Variants in RIMBP2 observed in about 807,000 individuals in gnomAD.
RIMBP2 encodes the protein RIMS binding protein 2.
In RIMBP2, 48 loss-of-function variants were observed where a neutral mutation model predicts 118.6. That is an observed-to-expected ratio of 0.40 (90% confidence interval 0.32 to 0.51). The LOEUF is 0.51. RIMBP2 is among the 20% of genes least tolerant of loss of function. The pLI is 0.41. For missense variants in RIMBP2, 1,551 were observed against 1,768.3 expected, an observed-to-expected ratio of 0.88 and a Z score of 2.20; for synonymous variants, 762 against 742.9, an observed-to-expected ratio of 1.03 and a Z score of -0.42.
At chr12:130,692,452 T>A (rs1289953832) in intron 1 of RIMBP2, among the ~76,000 whole-genome samples, 1 of 152,096 alleles carries the variant, frequency 6.6e-6, no homozygotes, top group Non-Finnish European at 1.5e-5. Context: ...GTTATTAAAT[T>A]TTAATTAAAA....
At chr12:130,487,352 TG>T (rs888505698) in intron 4 of RIMBP2, among the ~76,000 whole-genome samples, 1 of 152,192 alleles carries the variant, frequency 6.6e-6, no homozygotes, top group African/African-American at 2.4e-5. Flanking sequence ...AATAGCTTGG[TG>T]CCCTCCCCAT....
At chr12:130,505,494 C>T (rs1465060240) in intron 4 of RIMBP2, among the ~76,000 whole-genome samples, 1 of 117,236 alleles carries the variant, frequency 8.5e-6, no homozygotes, top group Non-Finnish European at 1.8e-5. Flanking sequence ...CCCTCCACTC[C>T]CCCCACCACC....
chr12:130,676,859 G>C (rs918907984), intron 1 of RIMBP2, among the ~76,000 whole-genome samples: 1 of 152,148 alleles, frequency 6.6e-6, no homozygotes, highest in South Asian at 2.1e-4. Context: ...GCTGGGGTCA[G>C]GGTGAGGGGA....
intron 2 of RIMBP2, among the ~76,000 whole-genome samples, chr12:130,627,030 C>A (rs2061683779): frequency 6.6e-6 from 1 of 152,028 alleles, no homozygotes; most frequent in African/African-American, 2.4e-5. Flanking sequence ...TCTCCTCCAT[C>A]ACAACTACCA....
intron 1 of RIMBP2, among the ~76,000 whole-genome samples, chr12:130,656,563 G>C (rs1175363617): frequency 7.6e-6 from 1 of 132,028 alleles, no homozygotes; most frequent in East Asian, 2.4e-4. Context: ...TTCTGAGGCT[G>C]TCAGGAGAAT....
chr12:130,474,616 ACT>A (rs1399286567), intron 5 of RIMBP2, among the ~76,000 whole-genome samples: 4 of 152,108 alleles, frequency 2.6e-5, no homozygotes, highest in Non-Finnish European at 5.9e-5. Flanking sequence ...TCTGAGGGAG[ACT>A]CAGTGAGAGA....
intron 2 of RIMBP2, among the ~76,000 whole-genome samples, chr12:130,528,707 A>G (rs1019618659): frequency 6.6e-6 from 1 of 152,218 alleles, no homozygotes; most frequent in Admixed American, 6.5e-5. Flanking sequence ...TTAAATTTAT[A>G]TTTGCTTCAT....
rs943654000 is a variant in RIMBP2 at position 130,442,488 on chromosome 12, G to C, written c.864C>G (p.Thr288=). ...TGTCGGTGATGCCCGCATCTATGTG[G>C]GTTGGGGAGTGGAGGTCCAGGATGT... ...GEHILDLHSP[T]HIDAGITDNS... Residue 288 remains threonine (T), a synonymous_variant, in exon 11 of 23, where the codon ACC becomes ACG. Transcript: ENST00000690449. This position sits in a 1 kb window ranked among gnomAD's most constrained non-coding sequence, Gnocchi z 6.9. 5 of 1,614,072 alleles carry C rather than the reference G, an allele frequency of 3.1e-6. No individual in the cohort carries two copies. Among genetic ancestry groups the C allele is most frequent in the Admixed American group, 3.3e-5 (2 of 60,000 alleles).
intron 4 of RIMBP2, among the ~76,000 whole-genome samples, chr12:130,492,626 G>C (rs2048748349): frequency 1.3e-5 from 2 of 152,198 alleles, no homozygotes; most frequent in South Asian, 4.1e-4. Context: ...GTGGCTCCCG[G>C]CTGTGAGCCC....
chr12:130,478,866 G>A lies in RIMBP2; in HGVS notation c.102+46C>T, dbSNP rs371511081. On this transcript the variant is annotated intron_variant, in intron 5 of 22. Transcript: ENST00000690449. ...CACACCAGGGATCCCCGGCCCACCCGTGGACTCCCTGCCTCGCACGCCGCG... is the reference window on the plus strand; with the variant it reads ...CACACCAGGGATCCCCGGCCCACCCATGGACTCCCTGCCTCGCACGCCGCG... 5.1e-5 allele frequency: 74 copies of A among 1,449,614 alleles called. 1 individual carries two copies. In the East Asian group the frequency reaches 1.3e-3, roughly 25 times the overall value. The allele number at this position is 1,449,614 out of a possible 1,614,324, so 89.8% of individuals were successfully genotyped here.
intron 19 of RIMBP2, among the ~76,000 whole-genome samples, chr12:130,409,074 C>T (rs118126321): frequency 0.011 from 1,678 of 152,282 alleles, 20 homozygotes; most frequent in Non-Finnish European, 0.018. Flanking sequence ...ACAAGTATGA[C>T]TTTTGAAAGG....
intron 1 of RIMBP2, among the ~76,000 whole-genome samples, chr12:130,696,830 G>A (rs2065596230): frequency 6.6e-6 from 1 of 152,236 alleles, no homozygotes; most frequent in Admixed American, 6.5e-5. Context: ...AGTTTGGGAA[G>A]CACTGTATCT....
At chr12:130,591,325 T>C (rs561901348) in intron 2 of RIMBP2, among the ~76,000 whole-genome samples, 15 of 152,290 alleles carry the variant, frequency 9.8e-5, no homozygotes, top group Admixed American at 9.8e-4. Flanking sequence ...CGCAACCACT[T>C]TGCCATCGAG....
chr12:130,419,793 C>A lies in RIMBP2; in HGVS notation c.3238+2660G>T, dbSNP rs2076307864. On this transcript the variant is annotated intron_variant, in intron 17 of 22. Transcript: ENST00000690449. This position sits in a 1 kb window ranked among gnomAD's most constrained non-coding sequence, Gnocchi z 4.3. ...GGTTTTAGAAGAGTGAAGCTACAGG[C>A]CTTCTGTCTGACAGGTCAACAACTA... is the stretch of plus-strand genomic sequence containing the variant. 1 of 152,078 alleles carries A rather than the reference C, an allele frequency of 6.6e-6. No homozygotes were observed. The highest frequency in any genetic ancestry group is 6.6e-5 in the Admixed American group (1 of 15,266). 9.4% of individuals were successfully genotyped at this position (152,078 alleles called of 1,614,324 possible).
At chr12:130,411,661 C>T (rs1277234456) in intron 19 of RIMBP2, among the ~76,000 whole-genome samples, 1 of 152,140 alleles carries the variant, frequency 6.6e-6, no homozygotes, top group Non-Finnish European at 1.5e-5. Flanking sequence ...TTGAAAGAGT[C>T]TTAGTCAACT....
chr12:130,442,038 G>A lies in RIMBP2; in HGVS notation c.1314C>T (p.Val438=). 11 of 1,614,202 alleles carry A rather than the reference G, an allele frequency of 6.8e-6. No individual in the cohort carries two copies. The highest frequency in any genetic ancestry group is 9.3e-6 in the Non-Finnish European group (11 of 1,180,054). Residue 438 remains valine, a synonymous_variant, in exon 11 of 23, where the codon GTC becomes GTT. Transcript: ENST00000690449. The surrounding 1 kb of genome is among the most constrained non-coding windows in gnomAD (Gnocchi z 6.9). ...CGAACTCCTCCTCGTTGAGGAAGATGACGTGGCTGTAGTTGCTGTTGGTGG... is the reference window on the plus strand; with the variant it reads ...CGAACTCCTCCTCGTTGAGGAAGATAACGTGGCTGTAGTTGCTGTTGGTGG... ...WLPTNSNYSH[V]IFLNEEEFDI... is the part of the protein sequence containing the mutation.
intron 2 of RIMBP2, among the ~76,000 whole-genome samples, chr12:130,625,398 T>G (rs1304326359): frequency 6.6e-6 from 1 of 152,176 alleles, no homozygotes; most frequent in Non-Finnish European, 1.5e-5. Flanking sequence ...ATGCTGCCTT[T>G]GGAGAGATTA....
In RIMBP2 at chr12:130,620,642, T is replaced by C. The variant is rs898912001; in HGVS notation, c.-217+7680A>G. 2.0e-5 allele frequency among the ~76,000 whole-genome samples: 3 copies of C among 152,242 alleles called. No homozygotes were observed. Among genetic ancestry groups the C allele is most frequent in the Middle Eastern group, 3.4e-3 (1 of 294 alleles). ...CCGGCTTCTGTGGTGGCTGACATTC[T>C]TGGTACTTCGTGGCTCCTAGAAGCA... On this transcript the variant is annotated intron_variant, in intron 2 of 22. Transcript: ENST00000690449. This position sits in a 1 kb window ranked among gnomAD's most constrained non-coding sequence, Gnocchi z 5.3.
intron 4 of RIMBP2, among the ~76,000 whole-genome samples, chr12:130,492,710 G>C (rs1335691963): frequency 6.6e-6 from 1 of 152,240 alleles, no homozygotes; most frequent in Non-Finnish European, 1.5e-5. Context: ...AACACGTACA[G>C]GCTGTGTGCC....
Sources: allele counts gnomAD v4.1 joint callset (sites outside exome capture counted in the v4.1 genomes callset), GRCh38; gene constraint gnomAD v4.1.1; non-coding constraint Gnocchi (gnomAD v3.1); transcripts MANE v1.5; gene names NCBI Gene and HGNC (gene_info 2026-07-23, HGNC 2026-07-21).